Variants in RNF144B observed in about 807,000 individuals in gnomAD.
RNF144B encodes ring finger protein 144B, also known as E3 ubiquitin-protein ligase RNF144B.
A neutral mutation model predicts 40.2 loss-of-function variants in RNF144B; 25 were observed. The ratio of observed to expected loss-of-function variants is 0.62; its 90% CI spans 0.45 to 0.87. The LOEUF (loss-of-function observed/expected upper bound fraction) is 0.87. Among genes scored for constraint, RNF144B ranks in the 40% least tolerant of loss-of-function variants. The pLI, the probability that RNF144B is intolerant of heterozygous loss-of-function variation, is 0.00. For missense variants in RNF144B, 365 were observed against 373.7 expected, an observed-to-expected ratio of 0.98 and a Z score of 0.19; for synonymous variants, 145 against 136.3, an observed-to-expected ratio of 1.06 and a Z score of -0.44.
chr6:18,430,827 C>G (rs548318386), intron 3 of RNF144B, among the ~76,000 whole-genome samples: 106 of 152,042 alleles, frequency 7.0e-4, no homozygotes, highest in African/African-American at 2.4e-3. Flanking sequence ...CTCCTTTGTT[C>G]TCCTTATCCT....
At chr6:18,394,924 C>T (rs1328175260) in intron 1 of RNF144B, among the ~76,000 whole-genome samples, 1 of 152,140 alleles carries the variant, frequency 6.6e-6, no homozygotes, top group Non-Finnish European at 1.5e-5. Flanking sequence ...GGCTTTCCTT[C>T]CTTACATGGC....
At chr6:18,451,022 A>G (rs75057531) in intron 4 of RNF144B, among the ~76,000 whole-genome samples, 4,907 of 152,310 alleles carry the variant, frequency 0.032, 258 homozygotes, top group African/African-American at 0.11. Flanking sequence ...TTGGATAAAA[A>G]AATCATAACA....
chr6:18,457,224 C>G lies in RNF144B; in HGVS notation c.401C>G (p.Ser134Trp). The change falls in exon 5 of 8, where the codon TCG becomes TGG. Residue 134 changes from serine to tryptophan, a missense_variant. Transcript: ENST00000259939. The surrounding 1 kb of genome is among the most constrained non-coding windows in gnomAD (Gnocchi z 5.1). ...TGTCAGACAGTGTGCCCTGTTGCCT[C>G]GAGTGACCCAGGACAGCCTGTGCTG... ...ADCQTVCPVASSDPGQPVLVE... is the reference protein window; with the variant it reads ...ADCQTVCPVAWSDPGQPVLVE... 2.5e-6 allele frequency: 4 copies of G among 1,614,072 alleles called. No individual in the cohort carries two copies. The highest frequency in any genetic ancestry group is 1.3e-5 in the African/African-American group (1 of 75,032).
At position 18,398,502 on chromosome 6, in the gene RNF144B, G is replaced by A. The variant is rs1042221204; in HGVS notation, c.-36-997G>A. ...TTCTCCCGCCTCAGCCTCCTGAGTA[G>A]CTGGGATTACAGATGTGCCACTGTG... On this transcript the variant is annotated intron_variant, in intron 1 of 7. Transcript: ENST00000259939. The surrounding 1 kb of genome is among the most constrained non-coding windows in gnomAD (Gnocchi z 5.0). Among the ~76,000 whole-genome samples the A allele has an allele frequency of 4.6e-5, 7 of 152,162 alleles. No individual in the cohort carries two copies. Among genetic ancestry groups the A allele is most frequent in the Non-Finnish European group, 7.3e-5 (5 of 68,028 alleles).
intron 2 of RNF144B, among the ~76,000 whole-genome samples, chr6:18,411,480 TATATATA>T (rs1795036363): frequency 2.2e-3 from 80 of 36,096 alleles, no homozygotes; most frequent in East Asian, 7.9e-3. Context: ...TATATATATA[TATATATA>T]TATATATATA....
chr6:18,460,032 C>T lies in RNF144B; in HGVS notation c.681+281C>T, dbSNP rs186300990. Among the ~76,000 whole-genome samples, 6 of 152,288 alleles carry T rather than the reference C, an allele frequency of 3.9e-5. No individual in the cohort carries two copies. Among genetic ancestry groups the T allele is most frequent in the Non-Finnish European group, 7.4e-5 (5 of 68,022 alleles). On this transcript the variant is annotated intron_variant, in intron 6 of 7. Transcript: ENST00000259939. This position sits in a 1 kb window ranked among gnomAD's most constrained non-coding sequence, Gnocchi z 4.4. ...CTATTATGTAAAGGACTATTAGTGT[C>T]TTCATTTTATATTGCTGTTGTAACG...
At chr6:18,407,778 G>A (rs536861167) in intron 2 of RNF144B, among the ~76,000 whole-genome samples, 5 of 152,002 alleles carry the variant, frequency 3.3e-5, no homozygotes, top group African/African-American at 7.2e-5. Flanking sequence ...GAGGGCGGAC[G>A]TCAGATTACT....
rs1759398838 is a variant in RNF144B, at chr6:18,459,224, C to G, written c.537-383C>G. On this transcript the variant is annotated intron_variant, in intron 5 of 7. Transcript: ENST00000259939. The surrounding 1 kb of genome is among the most constrained non-coding windows in gnomAD (Gnocchi z 4.2). ...GTGTTTATATTTGAGAACCCCTTCT[C>G]CATTTGTCTAATGAACAGACCATTA... 6.6e-6 allele frequency among the ~76,000 whole-genome samples: 1 copy of G among 152,156 alleles called. No individual in the cohort carries two copies. The highest frequency in any genetic ancestry group is 1.5e-5 in the Non-Finnish European group (1 of 68,026).
chr6:18,395,683 G>A lies in RNF144B; in HGVS notation c.-36-3816G>A, dbSNP rs1460025908. ...AAACGAAAGGGTTGGTTTTTAGTCT[G>A]TGCATGGTGCAGGTTTAGGCTTCTG... is the stretch of plus-strand genomic sequence containing the variant. On this transcript the variant is annotated intron_variant, in intron 1 of 7. Transcript: ENST00000259939. The surrounding 1 kb of genome is among the most constrained non-coding windows in gnomAD (Gnocchi z 4.5). Among the ~76,000 whole-genome samples, 1 of 151,936 alleles carries A rather than the reference G, an allele frequency of 6.6e-6. No individual in the cohort carries two copies. Among genetic ancestry groups the A allele is most frequent in the East Asian group, 1.9e-4 (1 of 5,188 alleles).
At chr6:18,437,131 G>T (rs1309080582) in intron 3 of RNF144B, among the ~76,000 whole-genome samples, 1 of 152,118 alleles carries the variant, frequency 6.6e-6, no homozygotes, top group African/African-American at 2.4e-5. Flanking sequence ...ATGGTAAGCT[G>T]TCAACAAATA....
chr6:18,402,646 C>T lies in RNF144B; in HGVS notation c.165+2947C>T, dbSNP rs190397466. 5.4e-4 allele frequency among the ~76,000 whole-genome samples: 82 copies of T among 152,058 alleles called. 18 individuals carry two copies. Among genetic ancestry groups the T allele is most frequent in the African/African-American group, 1.9e-3 (79 of 41,482 alleles). On this transcript the variant is annotated intron_variant, in intron 2 of 7. Coordinates refer to ENST00000259939, the MANE Select transcript of RNF144B (RefSeq NM_182757.4). ...TTCTGATGAAGCATTTCCCTTTGAC[C>T]GTGCCACCCTTTTGAGTGGAACATC...
chr6:18,409,811 C>T (rs1295427322), intron 2 of RNF144B, among the ~76,000 whole-genome samples: 2 of 152,074 alleles, frequency 1.3e-5, no homozygotes, highest in African/African-American at 2.4e-5. Flanking sequence ...CTCAAGTGAC[C>T]TGCCCGCCTT....
In RNF144B at chr6:18,448,386, A is replaced by G. The variant is rs536307665; in HGVS notation, c.331+8642A>G. ...CAGGCAGCCTAGTAGATTGGTCTGCATGGGTTCTCTTCTAGTTGCTTGCTT... is the reference window on the plus strand; with the variant it reads ...CAGGCAGCCTAGTAGATTGGTCTGCGTGGGTTCTCTTCTAGTTGCTTGCTT... On this transcript the variant is annotated intron_variant, in intron 4 of 7. Coordinates refer to ENST00000259939, the MANE Select transcript of RNF144B (RefSeq NM_182757.4). This position sits in a 1 kb window ranked among gnomAD's most constrained non-coding sequence, Gnocchi z 4.0. 3.9e-5 allele frequency among the ~76,000 whole-genome samples: 6 copies of G among 152,218 alleles called. No individual in the cohort carries two copies. The South Asian group carries it at 1.0e-3, about 26-fold the overall frequency.
chr6:18,423,915 A>G (rs1010304027), intron 2 of RNF144B, among the ~76,000 whole-genome samples: 1 of 152,176 alleles, frequency 6.6e-6, no homozygotes, highest in Non-Finnish European at 1.5e-5. Flanking sequence ...TTTCCTTACA[A>G]TTTGTTACCT....
chr6:18,437,721 A>C (rs1239134320), intron 3 of RNF144B, among the ~76,000 whole-genome samples: 1 of 152,176 alleles, frequency 6.6e-6, no homozygotes, highest in African/African-American at 2.4e-5. Flanking sequence ...ACTCCAATGA[A>C]ATTTATTTTT....
At position 18,460,626 on chromosome 6, in the gene RNF144B, G is replaced by GCT. The variant is rs144227509; in HGVS notation, c.681+888_681+889dup. On this transcript the variant is annotated intron_variant, in intron 6 of 7. Coordinates refer to ENST00000259939, the MANE Select transcript of RNF144B (RefSeq NM_182757.4). The surrounding 1 kb of genome is among the most constrained non-coding windows in gnomAD (Gnocchi z 4.4). The stretch of plus-strand genomic sequence containing the variant: ...CATGCTCTCTTGCATGCTCTCACTC[G>GCT]CTCTCTCTCTCTCTTGTTCATGAGC... Among the ~76,000 whole-genome samples, 4 of 150,886 alleles carry GCT rather than the reference G, an allele frequency of 2.7e-5. No individual in the cohort carries two copies. The highest frequency in any genetic ancestry group is 3.0e-5 in the Non-Finnish European group (2 of 67,698).
rs1759137055 is a variant in RNF144B, at chr6:18,448,605, C to A, written c.332-8550C>A. Among the ~76,000 whole-genome samples the A allele has an allele frequency of 6.6e-6, 1 of 151,986 alleles. No homozygotes were observed. Among genetic ancestry groups the A allele is most frequent in the Non-Finnish European group, 1.5e-5 (1 of 67,996 alleles). On this transcript the variant is annotated intron_variant, in intron 4 of 7. Coordinates refer to ENST00000259939, the MANE Select transcript of RNF144B (RefSeq NM_182757.4). This position sits in a 1 kb window ranked among gnomAD's most constrained non-coding sequence, Gnocchi z 4.0. ...TCATCCAGCAGATATTTATAGAGCA[C>A]CAACTTTGTGTAAGTCACTGTTTTT... is the stretch of plus-strand genomic sequence containing the variant.
chr6:18,408,047 C>T (rs1394479421), intron 2 of RNF144B, among the ~76,000 whole-genome samples: 1 of 146,198 alleles, frequency 6.8e-6, no homozygotes, highest in Non-Finnish European at 1.5e-5. Flanking sequence ...TACAGTGGTG[C>T]GATCTCAGCT....
chr6:18,407,984 C>T (rs201294836), intron 2 of RNF144B, among the ~76,000 whole-genome samples: 10 of 133,590 alleles, frequency 7.5e-5, no homozygotes, highest in South Asian at 2.4e-4. Context: ...CTTTCTTTTT[C>T]TTTTTTTTTT....
Sources: allele counts gnomAD v4.1 joint callset (sites outside exome capture counted in the v4.1 genomes callset), GRCh38; gene constraint gnomAD v4.1.1; non-coding constraint Gnocchi (gnomAD v3.1); transcripts MANE v1.5; gene names NCBI Gene and HGNC (gene_info 2026-07-23, HGNC 2026-07-21).